Variants in HYKK observed in about 807,000 individuals in gnomAD.
HYKK encodes the protein 5-hydroxy-L-lysine kinase.
HYKK carries 19 observed loss-of-function variants against 29.7 expected under a neutral mutation model. That is an observed-to-expected ratio of 0.64 (90% CI 0.45 to 0.94). The LOEUF is 0.94. Among genes scored for constraint, HYKK ranks in the 40% least tolerant of loss-of-function variants. The probability of loss-of-function intolerance (pLI) is 0.00; values close to 1 mark genes in which losing one functional copy is unlikely to be tolerated. For missense variants in HYKK, 390 were observed against 443.4 expected, an observed-to-expected ratio of 0.88 and a Z score of 1.08; for synonymous variants, 152 against 158.1, an observed-to-expected ratio of 0.96 and a Z score of 0.29.
At chr15:78,529,744 T>G (rs546160645) in intron 4 of HYKK, among the ~76,000 whole-genome samples, 25 of 152,334 alleles carry the variant, frequency 1.6e-4, no homozygotes, top group Admixed American at 5.2e-4. Context: ...GCTAAATATA[T>G]TCTGGATATG....
At position 78,513,426 on chromosome 15, in the gene HYKK, G is replaced by A. The variant is rs1490017170; in HGVS notation, c.337+1G>A. On this transcript the variant is annotated splice_donor_variant, in intron 2 of 4. Coordinates refer to ENST00000388988, the MANE Select transcript of HYKK (RefSeq NM_001013619.4). LOFTEE classifies it high-confidence loss of function. Reference sequence around the variant, plus strand: ...AACACAGCTTCTCTCGTGTCTGTAGGTAAGAGATGACCAATTCGCCGATCC... The same window carrying A: ...AACACAGCTTCTCTCGTGTCTGTAGATAAGAGATGACCAATTCGCCGATCC... 2.5e-6 allele frequency: 4 copies of A among 1,605,044 alleles called. No individual in the cohort carries two copies. Among genetic ancestry groups the A allele is most frequent in the South Asian group, 1.1e-5 (1 of 90,304 alleles).
intron 3 of HYKK, among the ~76,000 whole-genome samples, chr15:78,522,581 A>G (rs552842144): frequency 1.3e-5 from 2 of 148,804 alleles, no homozygotes; most frequent in Non-Finnish European, 3.0e-5. Context: ...AAAAAAAAAA[A>G]GGGAAGACTC....
chr15:78,528,813 A>AT, intron 4 of HYKK: 4 of 971,480 alleles, frequency 4.1e-6, no homozygotes, highest in Non-Finnish European at 4.9e-6. Context: ...AAAAAAAAAA[A>AT]GGGCAAGGAA....
At chr15:78,516,972 T>A (rs1042188759) in intron 3 of HYKK, among the ~76,000 whole-genome samples, 1 of 151,698 alleles carries the variant, frequency 6.6e-6, no homozygotes, top group Non-Finnish European at 1.5e-5. Flanking sequence ...CAGTGAGTTA[T>A]CGCACCACTG....
intron 3 of HYKK, among the ~76,000 whole-genome samples, chr15:78,522,961 A>T (rs918983127): frequency 4.6e-5 from 7 of 152,154 alleles, no homozygotes; most frequent in Non-Finnish European, 1.0e-4. Flanking sequence ...TGGAGGACTA[A>T]TCCTATTCCA....
At chr15:78,529,216 G>A (rs906132817) in intron 4 of HYKK, among the ~76,000 whole-genome samples, 1 of 152,056 alleles carries the variant, frequency 6.6e-6, no homozygotes, top group Non-Finnish European at 1.5e-5. Context: ...ACTTTTGTAA[G>A]ATTCTGCGTG....
chr15:78,507,904 G>A (rs2052030120), intron 1 of HYKK, among the ~76,000 whole-genome samples: 1 of 152,182 alleles, frequency 6.6e-6, no homozygotes, highest in Admixed American at 6.5e-5. Context: ...GAATGAAAGC[G>A]TGGCACCCGA....
At chr15:78,508,296 G>T (rs969160816) in intron 1 of HYKK, among the ~76,000 whole-genome samples, 1 of 151,976 alleles carries the variant, frequency 6.6e-6, no homozygotes, top group African/African-American at 2.4e-5. Context: ...TAGCCTAGGG[G>T]CTGAGAATAC....
chr15:78,533,650 G>A lies in HYKK; in HGVS notation c.1102G>A (p.Glu368Lys). ...EIWFETAKSYESGISM is the reference protein window; with the variant it reads ...EIWFETAKSYKSGISM ...CTGGTTTGAAACTGCCAAATCCTATGAATCTGGGATCTCCATGTGACTGAG... is the reference window on the plus strand; with the variant it reads ...CTGGTTTGAAACTGCCAAATCCTATAAATCTGGGATCTCCATGTGACTGAG... Residue 368 changes from glutamate to lysine, a missense_variant, in exon 5 of 5, where the codon GAA becomes AAA. Glu to Lys is a moderately conservative substitution (Grantham distance 56). Coordinates refer to ENST00000388988, the MANE Select transcript of HYKK (RefSeq NM_001013619.4). The A allele has an allele frequency of 6.2e-7, 1 of 1,613,538 alleles. No individual in the cohort carries two copies. The highest frequency in any genetic ancestry group is 1.1e-5 in the South Asian group (1 of 91,070).
chr15:78,527,580 TTAAG>T lies in HYKK; in HGVS notation c.661+20_661+23del. The T allele has an allele frequency of 6.2e-7, 1 of 1,610,500 alleles. No individual in the cohort carries two copies. On this transcript the variant is annotated intron_variant, in intron 4 of 4. Transcript: ENST00000388988. ...TTCGAGAATGTGAGTATTCTCCCAA[TTAAG>T]TATTTTTCTTGATATTTAAACTGTC...
chr15:78,507,797 A>C (rs1181223981), intron 1 of HYKK, 126 bp downstream of exon 1: 2 of 152,404 alleles, frequency 1.3e-5, no homozygotes, highest in Non-Finnish European at 2.9e-5. Flanking sequence ...AGGCTCCTCC[A>C]GCCCGCGCTA....
At chr15:78,525,436 G>A (rs1056875776) in intron 3 of HYKK, among the ~76,000 whole-genome samples, 3 of 151,740 alleles carry the variant, frequency 2.0e-5, no homozygotes, top group South Asian at 2.1e-4. Context: ...GATTACAGGC[G>A]TGAGCCACCA....
intron 4 of HYKK, among the ~76,000 whole-genome samples, chr15:78,530,747 T>A (rs965585510): frequency 4.6e-5 from 7 of 152,292 alleles, no homozygotes; most frequent in African/African-American, 1.7e-4. Context: ...CTCACTATGT[T>A]GCCCAGGCTG....
chr15:78,510,415 T>C (rs1463180822), intron 1 of HYKK, among the ~76,000 whole-genome samples: 2 of 151,986 alleles, frequency 1.3e-5, no homozygotes, highest in Non-Finnish European at 2.9e-5. Context: ...GCCAGGCTGG[T>C]CTCAAACTCC....
chr15:78,528,830 G>A (rs768789652), intron 4 of HYKK: 45 of 984,324 alleles, frequency 4.6e-5, no homozygotes, highest in Non-Finnish European at 4.6e-5. Flanking sequence ...GGAACTGAAG[G>A]GCATTTCTAT....
Position 78,513,358 on chromosome 15 carries a change from C to T in HYKK, c.270C>T (p.Ala90=), listed in dbSNP as rs373913174. 29 of 1,614,144 alleles carry T rather than the reference C, an allele frequency of 1.8e-5. No individual in the cohort carries two copies. The African/African-American group carries it at 2.5e-4, about 14-fold the overall frequency. ...ATCACATCATCATGTTTCTGAAAGC[C>T]GCTGGATTTCCAACAGCCTCTGTGT... The part of the protein sequence containing the change: ...VQNHIIMFLK[A]AGFPTASVCH... Residue 90 remains alanine (A), a synonymous_variant, in exon 2 of 5, where the codon GCC becomes GCT. Coordinates refer to ENST00000388988, the MANE Select transcript of HYKK (RefSeq NM_001013619.4).
rs555450795 is a variant in HYKK at position 78,516,491 on chromosome 15, G to A, written c.477+1384G>A. 2.3e-3 allele frequency among the ~76,000 whole-genome samples: 355 copies of A among 151,826 alleles called. 3 individuals are homozygous for A. Among genetic ancestry groups the A allele is most frequent in the African/African-American group, 8.0e-3 (332 of 41,410 alleles). On this transcript the variant is annotated intron_variant, in intron 3 of 4. Transcript: ENST00000388988. ...CTCCTGGGTAGCTGGGACTACAGGC[G>A]TGTGCCACCACACCCATCTAATTTA...
intron 4 of HYKK, chr15:78,528,944 C>A: frequency 1.5e-6 from 1 of 667,204 alleles, no homozygotes; most frequent in Non-Finnish European, 1.9e-6. Context: ...TCCCTTCAAA[C>A]CTGTTTTTCC....
At chr15:78,521,063 C>T (rs1434046458) in intron 3 of HYKK, among the ~76,000 whole-genome samples, 2 of 152,198 alleles carry the variant, frequency 1.3e-5, no homozygotes, top group East Asian at 1.9e-4. Context: ...AAAGATAATA[C>T]ACAAGTGTGG....
Sources: allele counts gnomAD v4.1 joint callset (sites outside exome capture counted in the v4.1 genomes callset), GRCh38; gene constraint gnomAD v4.1.1; transcripts MANE v1.5; gene names NCBI Gene and HGNC (gene_info 2026-07-23, HGNC 2026-07-21).